The following MTBP variants were observed in gnomAD, a reference collection of about 807,000 sequenced individuals.
MTBP encodes mdm2-binding protein.
MTBP carries 101 observed loss-of-function variants against 117.0 expected under a neutral mutation model. That is an observed-to-expected ratio of 0.86 (90% CI 0.73 to 1.02). MTBP has a LOEUF of 1.02. MTBP is among the 50% of genes least tolerant of loss of function. The pLI is 0.00. For synonymous variants in MTBP, 350 were observed against 351.5 expected, an observed-to-expected ratio of 1.00 and a Z score of 0.05; for missense variants, 970 against 1,030.9, an observed-to-expected ratio of 0.94 and a Z score of 0.81.
chr8:120,453,716 C>A (rs899430071), intron 4 of MTBP, 131 bp from the exon 5 acceptor site: 3 of 411,934 alleles, frequency 7.3e-6, no homozygotes, highest in African/African-American at 4.2e-5. Flanking sequence ...TCATAAAGAT[C>A]AAATGAGATT....
At chr8:120,505,879 A>G (rs545493591) in intron 15 of MTBP, among the ~76,000 whole-genome samples, 2 of 152,146 alleles carry the variant, frequency 1.3e-5, no homozygotes, top group African/African-American at 2.4e-5. Flanking sequence ...AATAATAACT[A>G]ATTTGGAGTT....
intron 11 of MTBP, among the ~76,000 whole-genome samples, chr8:120,484,485 GTA>G (rs530441030): frequency 4.8e-4 from 72 of 150,942 alleles, no homozygotes; most frequent in Admixed American, 1.3e-3. Flanking sequence ...ATTTTGGGAT[GTA>G]TATATATATA....
intron 11 of MTBP, among the ~76,000 whole-genome samples, chr8:120,483,270 C>G (rs1000082843): frequency 6.6e-6 from 1 of 151,798 alleles, no homozygotes; most frequent in Non-Finnish European, 1.5e-5. Flanking sequence ...AAACAGTGAT[C>G]TCATTGTTGA....
At chr8:120,459,116 C>T in intron 7 of MTBP, 99 bp from the exon 8 acceptor site, 1 of 1,020,906 alleles carries the variant, frequency 9.8e-7, no homozygotes, top group Non-Finnish European at 1.4e-6. Context: ...TAAATTTATA[C>T]ATGGATTTCC....
Position 120,459,383 on chromosome 8 carries a change from A to T in MTBP, c.882+34A>T, listed in dbSNP as rs373245069. The T allele has an allele frequency of 1.9e-6, 3 of 1,574,110 alleles. No homozygotes were observed. The African/African-American group carries it at 4.1e-5, about 22-fold the overall frequency. Reference sequence around the variant, plus strand: ...GTTTAATTTTTTTGTGTGATCATTCATGTGTATTTTTGTTCCTATAAAATA... The same window carrying T: ...GTTTAATTTTTTTGTGTGATCATTCTTGTGTATTTTTGTTCCTATAAAATA... On this transcript the variant is annotated intron_variant, in intron 8 of 21. Coordinates refer to ENST00000305949, the MANE Select transcript of MTBP (RefSeq NM_022045.5).
At chr8:120,446,600 A>C in intron 2 of MTBP, 87 bp downstream of exon 2, 1 of 836,756 alleles carries the variant, frequency 1.2e-6, no homozygotes, top group Non-Finnish European at 2.0e-6. Flanking sequence ...GAGTACAAGG[A>C]AATACTTCTT....
intron 18 of MTBP, among the ~76,000 whole-genome samples, chr8:120,516,934 G>A (rs1814930882): frequency 6.6e-6 from 1 of 151,936 alleles, no homozygotes; most frequent in African/African-American, 2.4e-5. Flanking sequence ...GAAGAACTCA[G>A]TCATTTTTAT....
intron 11 of MTBP, among the ~76,000 whole-genome samples, chr8:120,484,770 C>T (rs982528036): frequency 2.0e-5 from 3 of 152,276 alleles, no homozygotes; most frequent in East Asian, 1.9e-4. Flanking sequence ...TTAATCTCCC[C>T]GGAAAGAAAC....
chr8:120,490,766 G>T (rs1042844589), intron 13 of MTBP, 196 bp downstream of exon 13: 72 of 422,792 alleles, frequency 1.7e-4, no homozygotes, highest in African/African-American at 1.4e-3. Flanking sequence ...CTGTTTATTT[G>T]TACATCACTG....
chr8:120,496,373 T>A (rs923322722), intron 13 of MTBP, among the ~76,000 whole-genome samples: 2 of 152,230 alleles, frequency 1.3e-5, no homozygotes, highest in African/African-American at 4.8e-5. Context: ...GAGATTCTTT[T>A]GTTTCCATCC....
At chr8:120,477,989 A>G (rs1202315099) in intron 11 of MTBP, among the ~76,000 whole-genome samples, 1 of 152,224 alleles carries the variant, frequency 6.6e-6, no homozygotes. Context: ...AATAGCAAAG[A>G]CTTGGAACCA....
Position 120,512,438 on chromosome 8 carries a change from C to CT in MTBP, c.1979+2417dup, listed in dbSNP as rs1814832198. Among the ~76,000 whole-genome samples, 6 of 151,818 alleles carry CT rather than the reference C, an allele frequency of 4.0e-5. No individual in the cohort carries two copies. In the South Asian group the frequency reaches 8.3e-4, roughly 21 times the overall value. ...TATTCTGTGTCTCCATCTCGCTACT[C>CT]TTTTTTTTCTGCTGTTTTTAATTTA... On this transcript the variant is annotated intron_variant, in intron 17 of 21. Coordinates refer to ENST00000305949, the MANE Select transcript of MTBP (RefSeq NM_022045.5).
chr8:120,496,728 A>T (rs957453272), intron 13 of MTBP, among the ~76,000 whole-genome samples: 1 of 152,128 alleles, frequency 6.6e-6, no homozygotes, highest in Non-Finnish European at 1.5e-5. Context: ...AAAGAAAAAA[A>T]AATGCAAGCA....
rs369302108 is a variant in MTBP, at chr8:120,523,263, G to T, written c.2677-35G>T. ...TTTTCTATTACTTGTGTTTTCAAGA[G>T]AAATCTTCTGTAATCATATTTTTTC... On this transcript the variant is annotated intron_variant, in intron 21 of 21. Coordinates refer to ENST00000305949, the MANE Select transcript of MTBP (RefSeq NM_022045.5). The T allele has an allele frequency of 1.4e-5, 20 of 1,425,928 alleles. No individual in the cohort carries two copies. The African/African-American group carries it at 2.2e-4, about 16-fold the overall frequency. The allele number at this position is 1,425,928 out of a possible 1,614,324, so 88.3% of individuals were successfully genotyped here.
chr8:120,458,449 T>C (rs1813515735), intron 7 of MTBP, among the ~76,000 whole-genome samples: 1 of 152,166 alleles, frequency 6.6e-6, no homozygotes, highest in Non-Finnish European at 1.5e-5. Context: ...TTACTATTAT[T>C]AGCATCCTTA....
chr8:120,468,898 G>A (rs1015013193), intron 10 of MTBP, among the ~76,000 whole-genome samples: 5 of 151,976 alleles, frequency 3.3e-5, no homozygotes, highest in Non-Finnish European at 5.9e-5. Flanking sequence ...GCTAGTCATC[G>A]CCCACTTTTC....
At chr8:120,473,400 C>G (rs1471964243) in intron 11 of MTBP, 1 of 152,026 alleles carries the variant, frequency 6.6e-6, no homozygotes, top group African/African-American at 2.4e-5. Context: ...ATTAAAATAC[C>G]ATTTATACAG....
At chr8:120,478,666 CTAGA>C (rs1814001438) in intron 11 of MTBP, among the ~76,000 whole-genome samples, 1 of 152,124 alleles carries the variant, frequency 6.6e-6, no homozygotes, top group African/African-American at 2.4e-5. Flanking sequence ...TTTAGAGGGA[CTAGA>C]TAATGACTGA....
intron 15 of MTBP, among the ~76,000 whole-genome samples, chr8:120,504,337 T>G (rs145710409): frequency 1.5e-4 from 23 of 152,152 alleles, no homozygotes; most frequent in African/African-American, 5.6e-4. Context: ...CCTTTTTATC[T>G]TCTATCTCTA....
Sources: allele counts gnomAD v4.1 joint callset (sites outside exome capture counted in the v4.1 genomes callset), GRCh38; gene constraint gnomAD v4.1.1; transcripts MANE v1.5; gene names NCBI Gene and HGNC (gene_info 2026-07-23, HGNC 2026-07-21).